Variants in DSE observed in about 807,000 individuals in gnomAD.
DSE encodes dermatan sulfate epimerase, also known as dermatan-sulfate epimerase.
In DSE, 36 loss-of-function variants were observed where a neutral mutation model predicts 84.4. That is an observed-to-expected ratio of 0.43 (90% CI 0.33 to 0.56). DSE has a LOEUF of 0.56. Among genes scored for constraint, DSE ranks in the 20% least tolerant of loss-of-function variants. DSE has a pLI of 0.06. For missense variants in DSE, 862 were observed against 1,169.6 expected (o/e 0.74, Z 3.84); for synonymous variants, 410 against 430.1 (o/e 0.95, Z 0.58).
intron 2 of DSE, among the ~76,000 whole-genome samples, chr6:116,340,457 AGTTTCT>A (rs575895442): frequency 1.2e-4 from 18 of 151,982 alleles, no homozygotes; most frequent in Admixed American, 2.0e-4. Flanking sequence ...ATCACCTGAG[AGTTTCT>A]GTTTATTGAT....
At chr6:116,271,628 G>A (rs916956946) in intron 2 of DSE, among the ~76,000 whole-genome samples, 3 of 152,070 alleles carry the variant, frequency 2.0e-5, no homozygotes, top group Non-Finnish European at 2.9e-5. Flanking sequence ...TTTTGGCCTG[G>A]AATTGAAAGA....
chr6:116,269,650 G>A (rs899526640), intron 2 of DSE, among the ~76,000 whole-genome samples: 2 of 152,128 alleles, frequency 1.3e-5, no homozygotes, highest in Non-Finnish European at 2.9e-5. Context: ...ATTTTGGGCT[G>A]ATAGGGAAAA....
chr6:116,399,223 C>G lies in DSE; in HGVS notation c.-28C>G, dbSNP rs767120319. 1 of 1,612,720 alleles carries G rather than the reference C, an allele frequency of 6.2e-7. No individual in the cohort carries two copies. Among genetic ancestry groups the G allele is most frequent in the African/African-American group, 1.3e-5 (1 of 74,882 alleles). ...GATCTTTCGAAGATGGTTTGGCTGC[C>G]TTGGAGATTTGGAGATCTGATGCCA... On this transcript the variant is annotated 5_prime_UTR_variant, in exon 2 of 6. Coordinates refer to ENST00000644252, the MANE Select transcript of DSE (RefSeq NM_013352.4).
At chr6:116,356,002 G>T (rs1487368898) in intron 2 of DSE, among the ~76,000 whole-genome samples, 3 of 152,192 alleles carry the variant, frequency 2.0e-5, no homozygotes, top group African/African-American at 7.2e-5. Context: ...TCCCTGAAGA[G>T]GATGCTAACC....
intron 2 of DSE, among the ~76,000 whole-genome samples, chr6:116,413,814 C>T (rs1782531631): frequency 6.6e-6 from 1 of 152,168 alleles, no homozygotes; most frequent in South Asian, 2.1e-4. Flanking sequence ...CTCCTCCAGG[C>T]CTACCTCACT....
At chr6:116,390,485 C>T (rs1308374972) in intron 1 of DSE, among the ~76,000 whole-genome samples, 1 of 152,166 alleles carries the variant, frequency 6.6e-6, no homozygotes, top group Non-Finnish European at 1.5e-5. Flanking sequence ...TCACAATGCA[C>T]TGCAAAGCAT....
At chr6:116,332,467 G>T (rs1777009803) in intron 2 of DSE, among the ~76,000 whole-genome samples, 1 of 151,800 alleles carries the variant, frequency 6.6e-6, no homozygotes, top group Non-Finnish European at 1.5e-5. Flanking sequence ...AGAGAAACAG[G>T]TATAGACAAG....
rs1229277491 is a variant in DSE at position 116,444,724 on chromosome 6, T to C, written c.*7379T>C. The C allele has an allele frequency of 1.3e-5, 2 of 152,188 alleles. No individual in the cohort carries two copies. Among genetic ancestry groups the C allele is most frequent in the Admixed American group, 6.5e-5 (1 of 15,278 alleles). 9.4% of individuals were successfully genotyped at this position (152,188 alleles called of 1,614,324 possible). On this transcript the variant is annotated 3_prime_UTR_variant, in exon 6 of 6. Transcript: ENST00000644252. ...GAGAGGTCCCTTGTCCCTTCCAACA[T>C]GTGAGGCTACAGTGAAAAGATGGCC...
At chr6:116,259,104 CCACT>C in intron 2 of DSE, 1 of 1,514,986 alleles carries the variant, frequency 6.6e-7, no homozygotes, top group East Asian at 2.3e-5. Flanking sequence ...CTGCTGTCTC[CCACT>C]CAGTCATCGT....
intron 2 of DSE, chr6:116,279,228 T>G (rs562952365): frequency 1.9e-6 from 3 of 1,609,422 alleles, no homozygotes; most frequent in Non-Finnish European, 2.5e-6. Context: ...CCACTTCTAT[T>G]TCTTCACCTT....
At position 116,443,257 on chromosome 6, in the gene DSE, T is replaced by C. The variant is rs997253038; in HGVS notation, c.*5912T>C. ...GTGGAAGTATTGATCAGAAAGATAA[T>C]GAGTCAAGGATCCCTAATGGTATAT... is the stretch of plus-strand genomic sequence containing the variant. On this transcript the variant is annotated 3_prime_UTR_variant, in exon 6 of 6. Coordinates refer to ENST00000644252, the MANE Select transcript of DSE (RefSeq NM_013352.4). 13 of 152,202 alleles carry C rather than the reference T, an allele frequency of 8.5e-5. No homozygotes were observed. Among genetic ancestry groups the C allele is most frequent in the African/African-American group, 3.1e-4 (13 of 41,458 alleles). The allele number at this position is 152,202 out of a possible 1,614,324, so 9.4% of individuals were successfully genotyped here.
intron 2 of DSE, among the ~76,000 whole-genome samples, chr6:116,310,330 A>T (rs565007785): frequency 6.6e-6 from 1 of 151,042 alleles, no homozygotes; most frequent in African/African-American, 2.4e-5. Flanking sequence ...TAATCAATTG[A>T]TTTTTAAATA....
chr6:116,368,753 G>A (rs894404448), upstream of DSE, among the ~76,000 whole-genome samples: 2 of 152,214 alleles, frequency 1.3e-5, no homozygotes, highest in Non-Finnish European at 2.9e-5. Context: ...TGAGAGAGAT[G>A]TTGGCAAAGT....
rs1784216984 is a variant in DSE at position 116,437,059 on chromosome 6, A to G, written c.2591A>G (p.Asp864Gly). The G allele has an allele frequency of 6.2e-7, 1 of 1,614,146 alleles. No homozygotes were observed. The part of the protein sequence containing the change: ...EEMKDLLDFA[D>G]VTYEKHKNGG... ...ATGAAAGACCTTTTAGATTTTGCAG[A>G]TGTAACATACGAGAAACATAAAAAT... Residue 864 changes from aspartate to glycine, a missense_variant, in exon 6 of 6, where the codon GAT (aspartate) becomes GGT (glycine). Coordinates refer to ENST00000644252, the MANE Select transcript of DSE (RefSeq NM_013352.4).
chr6:116,292,756 G>A (rs558481963), intron 2 of DSE, among the ~76,000 whole-genome samples: 8 of 152,294 alleles, frequency 5.3e-5, no homozygotes, highest in African/African-American at 1.7e-4. Flanking sequence ...TGAATATTAC[G>A]TAACCTTTAA....
rs559469268 is a variant in DSE at position 116,285,859 on chromosome 6, T to TTA, written c.-54+26892_-54+26893insTA. On this transcript the variant is annotated intron_variant, in intron 2 of 3. Coordinates refer to the DSE transcript ENST00000430252. ...TGTGTGGTATTATTTCTGAGGGCTC[T>TTA]GTTCTGTTCCATTGGTCTATATCTC... Among the ~76,000 whole-genome samples the TTA allele has an allele frequency of 6.6e-4, 101 of 152,340 alleles. 2 individuals carry two copies. The South Asian group carries it at 0.021, about 31-fold the overall frequency.
At chr6:116,255,442 A>C (rs1418586575) in intron 1 of DSE, 5 of 152,234 alleles carry the variant, frequency 3.3e-5, no homozygotes, top group Admixed American at 2.6e-4. Context: ...TTGTATGCCT[A>C]GTCAGCCTAC....
At chr6:116,412,046 A>G (rs1782404728) in intron 2 of DSE, among the ~76,000 whole-genome samples, 3 of 152,180 alleles carry the variant, frequency 2.0e-5, no homozygotes, top group African/African-American at 4.8e-5. Context: ...AACATTTTTT[A>G]TGATTCACAA....
chr6:116,433,222 A>C, intron 4 of DSE, 121 bp from the exon 5 acceptor site: 1 of 960,916 alleles, frequency 1.0e-6, no homozygotes, highest in Non-Finnish European at 1.5e-6. Flanking sequence ...TTTTTCTTTT[A>C]TTTTATCCCT....
Sources: allele counts gnomAD v4.1 joint callset (sites outside exome capture counted in the v4.1 genomes callset), GRCh38; gene constraint gnomAD v4.1.1; transcripts MANE v1.5; gene names NCBI Gene and HGNC (gene_info 2026-07-23, HGNC 2026-07-21).